SHC4: variants seen among roughly 807,000 people sequenced by gnomAD.
SHC4 encodes the protein SHC-transforming protein 4.
A neutral mutation model predicts 69.4 loss-of-function variants in SHC4; 41 were observed. The observed-to-expected ratio is 0.59, with a 90% CI of 0.46 to 0.77. SHC4 has a LOEUF of 0.77. SHC4 is among the 30% of genes least tolerant of loss of function. SHC4 has a pLI of 0.00. For missense variants in SHC4, 777 were observed against 783.8 expected (o/e 0.99, Z 0.10); for synonymous variants, 318 against 299.3 (o/e 1.06, Z -0.64).
At chr15:48,901,384 A>G (rs1439108367) in intron 2 of SHC4, among the ~76,000 whole-genome samples, 1 of 152,210 alleles carries the variant, frequency 6.6e-6, no homozygotes, top group African/African-American at 2.4e-5. Context: ...GTTTCTTGGT[A>G]CAGGAAGTTG....
At chr15:48,906,763 T>C (rs1049180345) in intron 2 of SHC4, among the ~76,000 whole-genome samples, 2 of 152,180 alleles carry the variant, frequency 1.3e-5, no homozygotes, top group Non-Finnish European at 2.9e-5. Context: ...TGCCCCAATA[T>C]CCTTTCAAGG....
intron 8 of SHC4, among the ~76,000 whole-genome samples, chr15:48,855,430 C>G (rs534950086): frequency 6.6e-6 from 1 of 152,026 alleles, no homozygotes; most frequent in Admixed American, 6.6e-5. Flanking sequence ...AGGGACAATG[C>G]TTTCTAGAAG....
intron 6 of SHC4, among the ~76,000 whole-genome samples, chr15:48,863,616 G>T (rs768169285): frequency 7.9e-5 from 12 of 152,246 alleles, no homozygotes; most frequent in Middle Eastern, 3.4e-3. Flanking sequence ...TGATGCAAAT[G>T]ATCAAATTGC....
chr15:48,945,561 T>C (rs1245417993), intron 1 of SHC4, among the ~76,000 whole-genome samples: 4 of 152,200 alleles, frequency 2.6e-5, no homozygotes, highest in Admixed American at 6.5e-5. Flanking sequence ...AACTGACACA[T>C]GCTACAACAT....
chr15:48,843,281 A>T, intron 10 of SHC4, 128 bp downstream of exon 10: 1 of 916,302 alleles, frequency 1.1e-6, no homozygotes, highest in Non-Finnish European at 1.7e-6. Flanking sequence ...TCCTAGAAGG[A>T]ACCAACCCTG....
intron 6 of SHC4, among the ~76,000 whole-genome samples, chr15:48,865,485 G>A (rs1387456906): frequency 6.6e-6 from 1 of 152,190 alleles, no homozygotes; most frequent in Non-Finnish European, 1.5e-5. Flanking sequence ...AAAGAAAGAT[G>A]TAATAAGGGA....
chr15:48,905,203 G>A (rs772016229), intron 2 of SHC4, among the ~76,000 whole-genome samples: 2 of 152,112 alleles, frequency 1.3e-5, no homozygotes, highest in Admixed American at 6.5e-5. Context: ...AAACCTCTCC[G>A]TTATTCGATA....
chr15:48,961,681 T>C (rs1264811005), intron 1 of SHC4, among the ~76,000 whole-genome samples: 3 of 152,274 alleles, frequency 2.0e-5, no homozygotes, highest in Non-Finnish European at 4.4e-5. Flanking sequence ...CTAAGTATTA[T>C]TATCTTAGTA....
intron 10 of SHC4, among the ~76,000 whole-genome samples, chr15:48,842,819 T>C (rs934472876): frequency 4.6e-5 from 7 of 151,990 alleles, no homozygotes; most frequent in African/African-American, 1.5e-4. Context: ...TAGTCCCAGC[T>C]GCTCAGGAGG....
Position 48,885,849 on chromosome 15 carries a change from G to A in SHC4, c.721-1482C>T, listed in dbSNP as rs528927548. ...GTCTACTTTCTTTGCTTCTTACACA[G>A]CTCTGGGCAAAGCGAGCCACACAGT... On this transcript the variant is annotated intron_variant, in intron 3 of 11. Transcript: ENST00000332408. Among the ~76,000 whole-genome samples, 13 of 152,286 alleles carry A rather than the reference G, an allele frequency of 8.5e-5. No individual in the cohort carries two copies. The East Asian group carries it at 2.5e-3, about 29-fold the overall frequency.
In SHC4 at chr15:48,962,877, C is replaced by T. The variant is rs371927883; in HGVS notation, c.139G>A (p.Gly47Arg). 1.9e-6 allele frequency: 3 copies of T among 1,613,224 alleles called. No individual in the cohort carries two copies. The highest frequency in any genetic ancestry group is 2.7e-5 in the African/African-American group (2 of 74,896). Residue 47 changes from glycine to arginine, a missense_variant, in exon 1 of 12, where the codon GGA becomes AGA. By Grantham distance (125) the Gly-to-Arg change is moderately radical (BLOSUM62 -2). Coordinates refer to ENST00000332408, the MANE Select transcript of SHC4 (RefSeq NM_203349.4). ...GAGCCCTTGTTCCCGACCGAGCCTC[C>T]GGAGCTACCTTCGTCCAAGGACGTG... ...SITSLDEGSSGGSVGNKGSPQ... is the reference protein window; with the variant it reads ...SITSLDEGSSRGSVGNKGSPQ...
At chr15:48,843,723 T>A in intron 9 of SHC4, 135 bp from the exon 10 acceptor site, 4 of 786,714 alleles carry the variant, frequency 5.1e-6, no homozygotes, top group Middle Eastern at 4.1e-4. Context: ...ACTTAACTTT[T>A]AGGTTTGACT....
intron 1 of SHC4, among the ~76,000 whole-genome samples, chr15:48,928,215 T>G (rs1900891268): frequency 6.6e-6 from 1 of 152,162 alleles, no homozygotes; most frequent in African/African-American, 2.4e-5. Flanking sequence ...ATGTACTTCA[T>G]GTTTGTTATT....
At chr15:48,835,071 A>G in intron 10 of SHC4, 49 bp from the exon 11 acceptor site, 1 of 1,548,448 alleles carries the variant, frequency 6.5e-7, no homozygotes. Flanking sequence ...CTCTTCATCC[A>G]TCCATTCATT....
intron 1 of SHC4, among the ~76,000 whole-genome samples, chr15:48,951,475 C>T (rs1430144609): frequency 6.6e-6 from 1 of 152,030 alleles, no homozygotes; most frequent in Non-Finnish European, 1.5e-5. Context: ...TTTGTCATTC[C>T]CCCATTTAAA....
intron 2 of SHC4, among the ~76,000 whole-genome samples, chr15:48,898,354 T>G (rs1312568675): frequency 6.6e-6 from 1 of 152,180 alleles, no homozygotes; most frequent in African/African-American, 2.4e-5. Context: ...TCAAGGGGCA[T>G]CACCCGTGTA....
rs573604992 is a variant in SHC4 at position 48,827,938 on chromosome 15, C to A, written c.1738-1812G>T. Among the ~76,000 whole-genome samples, 299 of 152,182 alleles carry A rather than the reference C, an allele frequency of 2.0e-3. 1 individual carries two copies. Among genetic ancestry groups the A allele is most frequent in the Middle Eastern group, 0.014 (4 of 294 alleles). On this transcript the variant is annotated intron_variant, in intron 11 of 11. Transcript: ENST00000332408. ...GGGTATGTGCCTTTTTTAACACAGCCCACTGTACCTTATGCTCGCTCTATC... is the reference window on the plus strand; with the variant it reads ...GGGTATGTGCCTTTTTTAACACAGCACACTGTACCTTATGCTCGCTCTATC...
At chr15:48,875,752 C>T (rs1331419867) in intron 4 of SHC4, among the ~76,000 whole-genome samples, 1 of 152,166 alleles carries the variant, frequency 6.6e-6, no homozygotes, top group African/African-American at 2.4e-5. Flanking sequence ...GGAGCAGCTG[C>T]CATGACTGGA....
chr15:48,890,935 A>C, intron 2 of SHC4, 124 bp from the exon 3 acceptor site: 3 of 992,748 alleles, frequency 3.0e-6, no homozygotes, highest in Non-Finnish European at 3.1e-6. Context: ...TCTAACACAA[A>C]TGGTATTCTC....
Sources: allele counts gnomAD v4.1 joint callset (sites outside exome capture counted in the v4.1 genomes callset), GRCh38; gene constraint gnomAD v4.1.1; transcripts MANE v1.5; gene names NCBI Gene and HGNC (gene_info 2026-07-23, HGNC 2026-07-21).